MS4A4E: variants seen among roughly 807,000 people sequenced by gnomAD.
The protein encoded by MS4A4E is putative membrane-spanning 4-domains subfamily A member 4E.
In MS4A4E, 23 loss-of-function variants were observed where a neutral mutation model predicts 13.3. That is an observed-to-expected ratio of 1.73 (90% CI 1.25 to 2.45). The LOEUF is 2.45. MS4A4E is among the 30% of genes most tolerant of loss of function. The pLI, the probability that MS4A4E is intolerant of heterozygous loss-of-function variation, is 0.00. For synonymous variants in MS4A4E, 36 were observed against 45.6 expected (o/e 0.79, Z 0.85); for missense variants, 144 against 131.2 (o/e 1.10, Z -0.48).
chr11:60,235,213 C>T (rs1350011746), intron 1 of MS4A4E, among the ~76,000 whole-genome samples: 1 of 152,178 alleles, frequency 6.6e-6, no homozygotes, highest in Non-Finnish European at 1.5e-5. Context: ...TGACCTCAGC[C>T]TCCAAAGTAG....
intron 3 of MS4A4E, among the ~76,000 whole-genome samples, chr11:60,224,356 A>C (rs1378560229): frequency 1.3e-5 from 2 of 152,160 alleles, no homozygotes; most frequent in African/African-American, 4.8e-5. Context: ...TAGTCAGTAG[A>C]CTCTATATTA....
rs13377538 is a variant in MS4A4E at position 60,232,115 on chromosome 11, A to C, written c.-16-2044T>G. Reference sequence around the variant, plus strand: ...GAAAATAGAATTAGTCAACTGGAAAAAAATTGAAGAAATCACCAAGAATTC... The same window carrying C: ...GAAAATAGAATTAGTCAACTGGAAACAAATTGAAGAAATCACCAAGAATTC... On this transcript the variant is annotated intron_variant, in intron 1 of 8. Transcript: ENST00000651255. Among the ~76,000 whole-genome samples the C allele has an allele frequency of 5.2e-3, 786 of 152,290 alleles. 6 individuals carry two copies. The highest frequency in any genetic ancestry group is 0.017 in the African/African-American group (698 of 41,562).
At chr11:60,224,365 T>G (rs1399639178) in intron 3 of MS4A4E, among the ~76,000 whole-genome samples, 1 of 152,232 alleles carries the variant, frequency 6.6e-6, no homozygotes, top group Non-Finnish European at 1.5e-5. Context: ...GACTCTATAT[T>G]AGAAACTGCC....
chr11:60,204,097 A>G (rs545033558), intron 8 of MS4A4E, among the ~76,000 whole-genome samples: 102 of 152,230 alleles, frequency 6.7e-4, no homozygotes, highest in Non-Finnish European at 1.3e-3. Flanking sequence ...CAGGCCACTT[A>G]AAATAATCTC....
At chr11:60,215,066 C>G (rs967245773) in intron 3 of MS4A4E, among the ~76,000 whole-genome samples, 10 of 152,110 alleles carry the variant, frequency 6.6e-5, no homozygotes, top group African/African-American at 2.4e-4. Context: ...ACTACTTCAT[C>G]TGAATCCATC....
chr11:60,218,876 A>G (rs1005499027), intron 3 of MS4A4E, among the ~76,000 whole-genome samples: 7 of 152,230 alleles, frequency 4.6e-5, no homozygotes, highest in Admixed American at 1.3e-4. Context: ...GTGGAAGAAC[A>G]TAGAGTTGGA....
chr11:60,238,060 A>G (rs2084506224), intron 1 of MS4A4E, among the ~76,000 whole-genome samples: 1 of 151,100 alleles, frequency 6.6e-6, no homozygotes, highest in Admixed American at 6.6e-5. Flanking sequence ...TCTTTTTTAC[A>G]TGTTGCCGAA....
At chr11:60,219,208 A>G (rs2084233982) in intron 3 of MS4A4E, among the ~76,000 whole-genome samples, 1 of 152,220 alleles carries the variant, frequency 6.6e-6, no homozygotes, top group Non-Finnish European at 1.5e-5. Flanking sequence ...GCATCCTTGA[A>G]GAGCTCTGTG....
At chr11:60,217,182 G>A (rs894721204) in intron 3 of MS4A4E, among the ~76,000 whole-genome samples, 1 of 152,176 alleles carries the variant, frequency 6.6e-6, no homozygotes, top group African/African-American at 2.4e-5. Flanking sequence ...CCCTGAGTGA[G>A]AGTCTTATCT....
intron 8 of MS4A4E, among the ~76,000 whole-genome samples, chr11:60,203,575 C>T (rs2084009112): frequency 6.6e-6 from 1 of 152,078 alleles, no homozygotes; most frequent in Admixed American, 6.5e-5. Context: ...ATGGCGAAAC[C>T]TTGTCTCTAC....
chr11:60,200,478 G>A lies in MS4A4E; in HGVS notation c.*1065C>T, dbSNP rs2083973149. Among the ~76,000 whole-genome samples, 2 of 152,046 alleles carry A rather than the reference G, an allele frequency of 1.3e-5. No homozygotes were observed. Among genetic ancestry groups the A allele is most frequent in the Non-Finnish European group, 2.9e-5 (2 of 68,008 alleles). On this transcript the variant is annotated 3_prime_UTR_variant, in exon 9 of 9. Coordinates refer to ENST00000651255, the MANE Select transcript of MS4A4E (RefSeq NM_001393391.1). ...GTGTCCCTGGGTACTTGAGATTAGG[G>A]AGTGGTGATGACTCTTAACGAGCAT...
intron 5 of MS4A4E, among the ~76,000 whole-genome samples, chr11:60,210,612 A>G (rs1303976892): frequency 6.6e-6 from 1 of 152,206 alleles, no homozygotes; most frequent in Non-Finnish European, 1.5e-5. Flanking sequence ...TTTAATAATT[A>G]TATGCTTTCC....
intron 1 of MS4A4E, among the ~76,000 whole-genome samples, chr11:60,232,584 A>G (rs1565128332): frequency 6.6e-6 from 1 of 152,056 alleles, no homozygotes; most frequent in Non-Finnish European, 1.5e-5. Flanking sequence ...CAGTCTTACT[A>G]CTGGAGACAC....
At chr11:60,225,421 G>T in intron 3 of MS4A4E, among the ~76,000 whole-genome samples, 1 of 151,890 alleles carries the variant, frequency 6.6e-6, no homozygotes. Context: ...AAGTGGCCAA[G>T]GAATTAGAAA....
chr11:60,240,013 A>G (rs769554426), intron 1 of MS4A4E, among the ~76,000 whole-genome samples: 38 of 152,206 alleles, frequency 2.5e-4, no homozygotes, highest in Non-Finnish European at 4.9e-4. Context: ...TATTTCAAAC[A>G]TTAGAAGACC....
chr11:60,239,912 C>A (rs951371177), intron 1 of MS4A4E, among the ~76,000 whole-genome samples: 1 of 152,192 alleles, frequency 6.6e-6, no homozygotes, highest in Non-Finnish European at 1.5e-5. Context: ...AGAGAATTGT[C>A]CCCCTCTGGG....
chr11:60,234,788 C>A (rs1426249), intron 1 of MS4A4E, among the ~76,000 whole-genome samples: 48,103 of 140,536 alleles, frequency 0.34, 9,008 homozygotes, highest in South Asian at 0.51. Context: ...CCCCCCCCCC[C>A]AAAATAACAA....
intron 1 of MS4A4E, among the ~76,000 whole-genome samples, chr11:60,234,204 C>A (rs1490392671): frequency 2.6e-5 from 4 of 152,176 alleles, no homozygotes; most frequent in Admixed American, 2.6e-4. Flanking sequence ...TACCTTGAAT[C>A]TCATCCATAT....
chr11:60,221,825 G>T (rs190466560), intron 3 of MS4A4E, among the ~76,000 whole-genome samples: 2 of 152,334 alleles, frequency 1.3e-5, no homozygotes, highest in East Asian at 3.9e-4. Flanking sequence ...TGTATTTCAT[G>T]TGAGTGCTTA....
Sources: gnomAD v4.1 joint callset for allele counts (sites outside exome capture counted in the v4.1 genomes callset) on GRCh38, gnomAD v4.1.1 for gene constraint, MANE v1.5 for transcripts, NCBI Gene and HGNC (gene_info 2026-07-23, HGNC 2026-07-21) for gene names.